Variants in APBB2 observed in about 807,000 individuals in gnomAD.
APBB2 encodes amyloid beta precursor protein binding family B member 2.
APBB2 carries 38 observed loss-of-function variants against 82.5 expected under a neutral mutation model. That is an observed-to-expected ratio of 0.46 (90% CI 0.36 to 0.60). The LOEUF is 0.60. APBB2 is among the 20% of genes least tolerant of loss of function. The probability of loss-of-function intolerance (pLI) is 0.00; values close to 1 mark genes in which losing one functional copy is unlikely to be tolerated. For synonymous variants in APBB2, 341 were observed against 368.2 expected (o/e 0.93, Z 0.85); for missense variants, 772 against 972.3 (o/e 0.79, Z 2.74).
At chr4:41,072,443 T>G (rs73810806) in intron 3 of APBB2, among the ~76,000 whole-genome samples, 1,804 of 152,312 alleles carry the variant, frequency 0.012, 31 homozygotes, top group African/African-American at 0.042. Flanking sequence ...TCATTTCTGT[T>G]ATAGTACCAA....
chr4:40,936,167 C>G lies in APBB2; in HGVS notation c.1045-1028G>C, dbSNP rs114868534. Among the ~76,000 whole-genome samples the G allele has an allele frequency of 3.3e-3, 508 of 152,294 alleles. 3 individuals are homozygous for G. Among genetic ancestry groups the G allele is most frequent in the African/African-American group, 0.012 (487 of 41,570 alleles). On this transcript the variant is annotated intron_variant, in intron 7 of 17. Coordinates refer to ENST00000508593, the MANE Select transcript of APBB2 (RefSeq NM_004307.2). ...TGAATAATGACCCATAACTTTTACT[C>G]ACAACATTGATACAGTTTTAAAAAC...
At chr4:40,945,736 C>A (rs1788197918) in intron 6 of APBB2, among the ~76,000 whole-genome samples, 2 of 152,204 alleles carry the variant, frequency 1.3e-5, no homozygotes, top group South Asian at 2.1e-4. Flanking sequence ...CCTCAGCCTC[C>A]CAAGTAGCTG....
intron 12 of APBB2, among the ~76,000 whole-genome samples, chr4:40,855,887 C>A (rs148874095): frequency 6.6e-6 from 1 of 152,286 alleles, no homozygotes; most frequent in East Asian, 1.9e-4. Flanking sequence ...TTACTTATAA[C>A]TTTTACAAAA....
At chr4:40,858,638 G>C (rs1762049143) in intron 12 of APBB2, among the ~76,000 whole-genome samples, 1 of 152,106 alleles carries the variant, frequency 6.6e-6, no homozygotes, top group Non-Finnish European at 1.5e-5. Flanking sequence ...ACACACCACA[G>C]GTGTACAGAC....
intron 5 of APBB2, among the ~76,000 whole-genome samples, chr4:41,028,018 G>A (rs1413236070): frequency 6.6e-6 from 1 of 152,214 alleles, no homozygotes; most frequent in Non-Finnish European, 1.5e-5. Context: ...TGCTGTCATT[G>A]CTCTCCTGCA....
intron 2 of APBB2, among the ~76,000 whole-genome samples, chr4:41,128,081 G>GA (rs146786132): frequency 0.32 from 48,148 of 149,516 alleles, 7,738 homozygotes; most frequent in Non-Finnish European, 0.35. Context: ...CTCCATCTCA[G>GA]AAAAAAAAAG....
intron 6 of APBB2, among the ~76,000 whole-genome samples, chr4:40,974,096 C>A (rs145646887): frequency 0.012 from 1,801 of 152,156 alleles, 39 homozygotes; most frequent in African/African-American, 0.042. Flanking sequence ...TTGTGATCCA[C>A]CCACCTTGGC....
intron 2 of APBB2, among the ~76,000 whole-genome samples, chr4:41,125,551 T>C (rs566854328): frequency 2.7e-4 from 41 of 152,214 alleles, no homozygotes; most frequent in Non-Finnish European, 4.4e-4. Context: ...CAAAATTTAC[T>C]ATAACCTAAT....
intron 4 of APBB2, among the ~76,000 whole-genome samples, chr4:41,045,170 C>T (rs1722934674): frequency 6.6e-6 from 1 of 152,012 alleles, no homozygotes; most frequent in African/African-American, 2.4e-5. Context: ...TTCTTGAGTT[C>T]TGTCTCCTTG....
chr4:41,112,934 C>A (rs1749718155), intron 2 of APBB2, among the ~76,000 whole-genome samples: 1 of 152,010 alleles, frequency 6.6e-6, no homozygotes, highest in Non-Finnish European at 1.5e-5. Context: ...TTGCAGTGAG[C>A]CGAGATTGCA....
chr4:40,830,370 A>C (rs1193995892), intron 13 of APBB2, 93 bp downstream of exon 13: 14 of 803,476 alleles, frequency 1.7e-5, no homozygotes, highest in Non-Finnish European at 3.0e-5. Context: ...GCTCAACTGC[A>C]GGTTGATGTG....
chr4:40,871,048 T>C (rs953392891), intron 12 of APBB2, among the ~76,000 whole-genome samples: 6 of 151,850 alleles, frequency 4.0e-5, no homozygotes, highest in Non-Finnish European at 8.8e-5. Context: ...AGGACACTTA[T>C]GACTGGATTT....
chr4:40,928,451 T>C (rs2154372021), intron 10 of APBB2, among the ~76,000 whole-genome samples: 1 of 150,310 alleles, frequency 6.7e-6, no homozygotes, highest in Middle Eastern at 3.5e-3. Flanking sequence ...TGTTGACACA[T>C]GCCTGTAATC....
chr4:41,161,051 G>A (rs1012261739), intron 1 of APBB2, among the ~76,000 whole-genome samples: 1 of 151,736 alleles, frequency 6.6e-6, no homozygotes, highest in African/African-American at 2.4e-5. Context: ...ATTAACTTTG[G>A]GGATAAGACT....
intron 6 of APBB2, among the ~76,000 whole-genome samples, chr4:40,991,095 G>A (rs113343961): frequency 2.8e-5 from 4 of 144,098 alleles, no homozygotes; most frequent in South Asian, 2.3e-4. Flanking sequence ...TGCAACTTTC[G>A]TCTCAGCCTC....
chr4:41,133,116 AT>A (rs1017999794), intron 2 of APBB2, among the ~76,000 whole-genome samples: 3 of 152,252 alleles, frequency 2.0e-5, no homozygotes, highest in East Asian at 1.9e-4. Context: ...TCCACAAGGC[AT>A]TTTTTTCATT....
chr4:41,000,647 C>G (rs1804947459), intron 6 of APBB2, among the ~76,000 whole-genome samples: 1 of 152,154 alleles, frequency 6.6e-6, no homozygotes, highest in South Asian at 2.1e-4. Context: ...TCGTCCAGAG[C>G]ACTAAACTCA....
chr4:41,057,044 A>G (rs562469300), intron 4 of APBB2, among the ~76,000 whole-genome samples: 1 of 152,208 alleles, frequency 6.6e-6, no homozygotes, highest in Non-Finnish European at 1.5e-5. Context: ...GGACACTCCT[A>G]GGGAGGAATT....
chr4:41,126,101 C>G (rs1460349156), intron 2 of APBB2, among the ~76,000 whole-genome samples: 1 of 151,732 alleles, frequency 6.6e-6, no homozygotes, highest in Non-Finnish European at 1.5e-5. Flanking sequence ...TCAGAAAGGC[C>G]AGGCACAGTG....
Sources: gnomAD v4.1 joint callset for allele counts (sites outside exome capture counted in the v4.1 genomes callset) on GRCh38, gnomAD v4.1.1 for gene constraint, MANE v1.5 for transcripts, NCBI Gene and HGNC (gene_info 2026-07-23, HGNC 2026-07-21) for gene names.